The following ASTN2 variants were observed in gnomAD, a reference collection of about 807,000 sequenced individuals.
The protein encoded by ASTN2 is astrotactin 2, also known as astrotactin-2.
A neutral mutation model predicts 139.8 loss-of-function variants in ASTN2; 54 were observed. The observed-to-expected ratio is 0.39, with a 90% confidence interval of 0.31 to 0.48. The LOEUF (loss-of-function observed/expected upper bound fraction) is 0.48, where lower values mean the gene tolerates loss of function less well. Among genes scored for constraint, ASTN2 ranks in the 20% least tolerant of loss-of-function variants. ASTN2 has a pLI of 0.95. For synonymous variants in ASTN2, 756 were observed against 719.5 expected, an observed-to-expected ratio of 1.05 and a Z score of -0.81; for missense variants, 1,565 against 1,725.1, an observed-to-expected ratio of 0.91 and a Z score of 1.64.
chr9:116,724,385 A>G, intron 16 of ASTN2, among the ~76,000 whole-genome samples: 1 of 152,192 alleles, frequency 6.6e-6, no homozygotes, highest in East Asian at 1.9e-4. Context: ...ACAGTTGCAC[A>G]CAGGAAGCAG....
chr9:116,672,989 A>T (rs984733000), intron 16 of ASTN2, among the ~76,000 whole-genome samples: 1 of 152,228 alleles, frequency 6.6e-6, no homozygotes, highest in African/African-American at 2.4e-5. Flanking sequence ...CAGGGTCTGA[A>T]GGCAGGGAAC....
rs1847237351 is a variant in ASTN2, at chr9:116,423,550, A to G, written c.*2301T>C. On this transcript the variant is annotated 3_prime_UTR_variant, in exon 23 of 23. Coordinates refer to ENST00000313400, the MANE Select transcript of ASTN2 (RefSeq NM_001365068.1). ...CCTGATAGCTCTCTGAAAACTTGGG[A>G]CCCAGGCCCAGCAAACTGATAGCTC... Among the ~76,000 whole-genome samples, 1 of 152,180 alleles carries G rather than the reference A, an allele frequency of 6.6e-6. No homozygotes were observed. Among genetic ancestry groups the G allele is most frequent in the African/African-American group, 2.4e-5 (1 of 41,438 alleles).
chr9:116,867,521 G>T (rs966553208), intron 10 of ASTN2, among the ~76,000 whole-genome samples: 1 of 134,138 alleles, frequency 7.5e-6, no homozygotes. Context: ...CTGCACTCCA[G>T]CCTGGGCGAC....
chr9:117,220,336 C>G (rs1310269123), intron 2 of ASTN2, among the ~76,000 whole-genome samples: 1 of 152,126 alleles, frequency 6.6e-6, no homozygotes, highest in Non-Finnish European at 1.5e-5. Flanking sequence ...GTCCTGGAGT[C>G]ACCCTGGGCA....
intron 4 of ASTN2, among the ~76,000 whole-genome samples, chr9:117,115,471 C>T (rs768675451): frequency 1.3e-4 from 20 of 151,864 alleles, no homozygotes; most frequent in Non-Finnish European, 2.5e-4. Flanking sequence ...TGCAGTAAGC[C>T]GAGATCATGC....
intron 1 of ASTN2, among the ~76,000 whole-genome samples, chr9:117,305,430 T>C (rs1834975453): frequency 6.6e-6 from 1 of 152,130 alleles, no homozygotes; most frequent in Non-Finnish European, 1.5e-5. Context: ...TTCCCTGCTA[T>C]TTTTTTAAAT....
At chr9:116,856,535 G>A (rs1029230316) in intron 11 of ASTN2, among the ~76,000 whole-genome samples, 2 of 152,168 alleles carry the variant, frequency 1.3e-5, no homozygotes, top group Non-Finnish European at 2.9e-5. Flanking sequence ...GAAAGGATGA[G>A]GAATGGAGAA....
At position 116,905,969 on chromosome 9, in the gene ASTN2, C is replaced by A. The variant is rs533790510; in HGVS notation, c.1890-42236G>T. 8.4e-4 allele frequency among the ~76,000 whole-genome samples: 128 copies of A among 151,944 alleles called. 3 individuals are homozygous for A. The highest frequency in any genetic ancestry group is 4.4e-4 in the Non-Finnish European group (30 of 67,960). On this transcript the variant is annotated intron_variant, in intron 10 of 22. Coordinates refer to ENST00000313400, the MANE Select transcript of ASTN2 (RefSeq NM_001365068.1). ...CTCTGTCTCTCTAAAGCTTTGTTTC[C>A]CCATTTTCCCCTTTGCACTTGTGCC...
At chr9:116,478,419 T>C (rs894174685) in intron 20 of ASTN2, among the ~76,000 whole-genome samples, 1 of 152,052 alleles carries the variant, frequency 6.6e-6, no homozygotes. Flanking sequence ...CTGGATTCTT[T>C]CCCTGGTGTG....
At chr9:116,750,400 G>T (rs1829365061) in intron 13 of ASTN2, among the ~76,000 whole-genome samples, 1 of 152,130 alleles carries the variant, frequency 6.6e-6, no homozygotes, top group Non-Finnish European at 1.5e-5. Flanking sequence ...TCGCATTTCT[G>T]AAAGTTTCTT....
At chr9:116,660,177 C>CAA in intron 16 of ASTN2, among the ~76,000 whole-genome samples, 1 of 137,192 alleles carries the variant, frequency 7.3e-6, no homozygotes, top group Non-Finnish European at 1.5e-5. Flanking sequence ...CGCACACACA[C>CAA]ACACACACAC....
Position 116,879,821 on chromosome 9 carries a change from C to G in ASTN2, c.1890-16088G>C, listed in dbSNP as rs571848201. ...CTTTTCACCAATCCTAAAAGTTACT[C>G]AAGCCCTGAGAACAGGGATTCTTAA... On this transcript the variant is annotated intron_variant, in intron 10 of 22. Coordinates refer to ENST00000313400, the MANE Select transcript of ASTN2 (RefSeq NM_001365068.1). Among the ~76,000 whole-genome samples the G allele has an allele frequency of 6.6e-5, 10 of 152,318 alleles. No individual in the cohort carries two copies. In the South Asian group the frequency reaches 1.5e-3, roughly 22 times the overall value.
At chr9:117,071,767 C>T (rs943153834) in intron 5 of ASTN2, among the ~76,000 whole-genome samples, 4 of 151,386 alleles carry the variant, frequency 2.6e-5, no homozygotes, top group Non-Finnish European at 5.9e-5. Flanking sequence ...GGGAGTGACC[C>T]GATTTTCCAG....
At chr9:117,071,781 C>T (rs1438039077) in intron 5 of ASTN2, among the ~76,000 whole-genome samples, 4 of 151,628 alleles carry the variant, frequency 2.6e-5, no homozygotes, top group Non-Finnish European at 4.4e-5. Flanking sequence ...TTTCCAGGTG[C>T]GTCCGTCACC....
intron 22 of ASTN2, 97 bp from the exon 23 acceptor site, chr9:116,426,185 C>G: frequency 6.9e-7 from 1 of 1,452,652 alleles, no homozygotes. Context: ...GTAACTTCTC[C>G]CAACCATTTC....
intron 12 of ASTN2, 49 bp from the exon 13 acceptor site, chr9:116,805,869 C>T (rs1564277520): frequency 6.3e-7 from 1 of 1,578,020 alleles, no homozygotes; most frequent in Non-Finnish European, 8.6e-7. Flanking sequence ...CTGAATGCCC[C>T]CATTGGGGGT....
chr9:117,257,482 C>T (rs1351708594), intron 2 of ASTN2, among the ~76,000 whole-genome samples: 3 of 152,164 alleles, frequency 2.0e-5, no homozygotes, highest in Non-Finnish European at 4.4e-5. Context: ...TGGTGAGCTC[C>T]CTGGCACTAG....
intron 2 of ASTN2, among the ~76,000 whole-genome samples, chr9:117,232,659 G>A (rs982615532): frequency 6.4e-4 from 98 of 152,270 alleles, no homozygotes; most frequent in African/African-American, 2.1e-3. Context: ...CAATTCAAGT[G>A]GAGAAAATAT....
intron 18 of ASTN2, among the ~76,000 whole-genome samples, chr9:116,619,240 C>G (rs372930864): frequency 1.8e-4 from 28 of 152,164 alleles, no homozygotes; most frequent in African/African-American, 6.5e-4. Context: ...GTTCCTGCCC[C>G]CTCTTATGCT....
Sources: gnomAD v4.1 joint callset for allele counts (sites outside exome capture counted in the v4.1 genomes callset) on GRCh38, gnomAD v4.1.1 for gene constraint, MANE v1.5 for transcripts, NCBI Gene and HGNC (gene_info 2026-07-23, HGNC 2026-07-21) for gene names.